The following ZNF331 variants were observed in gnomAD, a reference collection of about 807,000 sequenced individuals.
ZNF331 encodes zinc finger protein 331.
Under a neutral mutation model 7.0 loss-of-function variants are expected in ZNF331, and 2 were observed. The ratio of observed to expected loss-of-function variants is 0.29; its 90% CI spans 0.12 to 0.90. The LOEUF (loss-of-function observed/expected upper bound fraction) is 0.90, where lower values mean the gene tolerates loss of function less well. Ranked by LOEUF, ZNF331 falls within the 40% of genes least tolerant of loss-of-function variation. ZNF331 has a pLI of 0.58. For missense variants in ZNF331, 432 were observed against 587.7 expected (o/e 0.74, Z 2.74); for synonymous variants, 196 against 205.4 (o/e 0.95, Z 0.39).
Position 53,578,734 on chromosome 19 carries a change from C to G in ZNF331, c.*782C>G, listed in dbSNP as rs918675392. The G allele has an allele frequency of 1.9e-5, 4 of 209,414 alleles. No individual in the cohort carries two copies. The highest frequency in any genetic ancestry group is 3.9e-5 in the Non-Finnish European group (4 of 103,132). The allele number at this position is 209,414 out of a possible 1,614,324, so 13.0% of individuals were successfully genotyped here. On this transcript the variant is annotated 3_prime_UTR_variant, in exon 6 of 6. Coordinates refer to ENST00000449416, the MANE Select transcript of ZNF331 (RefSeq NM_001079906.2). ...GAAGGCCTCTAGACTACATCCATTC[C>G]TTCCTCAACAGGAGGAAAATTCCTG...
Position 53,577,731 on chromosome 19 carries a change from G to A in ZNF331, c.1171G>A (p.Ala391Thr), listed in dbSNP as rs2147725975. The A allele has an allele frequency of 1.9e-6, 3 of 1,613,988 alleles. No homozygotes were observed. Among genetic ancestry groups the A allele is most frequent in the Non-Finnish European group, 2.5e-6 (3 of 1,179,838 alleles). Residue 391 changes from alanine to threonine, a missense_variant, in exon 6 of 6, where the codon GCT (alanine) becomes ACT (threonine). By Grantham distance (58) the Ala-to-Thr change is moderately conservative (BLOSUM62 0). This residue lies in a region of ZNF331 where 312 missense variants were observed against 448.6 expected (regional missense o/e 0.70). Coordinates refer to ENST00000449416, the MANE Select transcript of ZNF331 (RefSeq NM_001079906.2). ...GTATAAATGTAAGGAGTGTGGGAAG[G>A]CTTTCATTTATGGATCGAGCCTCGT... ...TPYKCKECGKAFIYGSSLVKH... is the reference protein window; with the variant it reads ...TPYKCKECGKTFIYGSSLVKH...
intron 2 of ZNF331, among the ~76,000 whole-genome samples, chr19:53,529,129 G>C (rs62143893): frequency 6.6e-6 from 1 of 151,944 alleles, no homozygotes; most frequent in Non-Finnish European, 1.5e-5. Flanking sequence ...AAGGCTGGGC[G>C]TGGTGGCTCA....
rs1460811013 is a variant in ZNF331, at chr19:53,571,474, C to T, written c.10-130C>T. ...CACAGTTACAGTGATGTCCTTACCG[C>T]CCCTTGCCGATGTCACGGGTGTTCA... On this transcript the variant is annotated intron_variant, in intron 4 of 5. Coordinates refer to ENST00000449416, the MANE Select transcript of ZNF331 (RefSeq NM_001079906.2). This position sits in a 1 kb window ranked among gnomAD's most constrained non-coding sequence, Gnocchi z 4.7. 29 of 1,141,658 alleles carry T rather than the reference C, an allele frequency of 2.5e-5. No homozygotes were observed. Among genetic ancestry groups the T allele is most frequent in the Non-Finnish European group, 3.5e-5 (28 of 792,952 alleles). 70.7% of individuals were successfully genotyped at this position (1,141,658 alleles called of 1,614,324 possible). A position where few individuals can be genotyped will look rare whatever the true frequency, so the allele number is the denominator to read the frequency against.
At chr19:53,522,939 G>A (rs535291752) in intron 2 of ZNF331, among the ~76,000 whole-genome samples, 2 of 152,176 alleles carry the variant, frequency 1.3e-5, no homozygotes, top group Non-Finnish European at 2.9e-5. Flanking sequence ...GTGTGGTTTG[G>A]TAAGGAAGGG....
At chr19:53,559,231 C>T (rs544594613) in intron 3 of ZNF331, among the ~76,000 whole-genome samples, 43 of 150,408 alleles carry the variant, frequency 2.9e-4, no homozygotes, top group Non-Finnish European at 5.3e-4. Context: ...CATATATACA[C>T]ACCATACATA....
chr19:53,521,654 C>T (rs2087093552), exon 1 of ZNF331: 1 of 152,558 alleles, frequency 6.6e-6, no homozygotes. Flanking sequence ...GGTGGCACGG[C>T]CAGGACGGGT....
In ZNF331 at chr19:53,558,419, G is replaced by A. The variant is rs2089570201; in HGVS notation, c.-74+2511G>A. ...CCACCTCCTGTTCAGCTGTCCAGAA[G>A]CTCTCCTCACCCTGTCTTCTTAGGC... On this transcript the variant is annotated intron_variant, in intron 3 of 5. Coordinates refer to ENST00000449416, the MANE Select transcript of ZNF331 (RefSeq NM_001079906.2). This position sits in a 1 kb window ranked among gnomAD's most constrained non-coding sequence, Gnocchi z 4.5. Among the ~76,000 whole-genome samples, 1 of 152,070 alleles carries A rather than the reference G, an allele frequency of 6.6e-6. No individual in the cohort carries two copies. Among genetic ancestry groups the A allele is most frequent in the Non-Finnish European group, 1.5e-5 (1 of 68,022 alleles).
At chr19:53,548,548 T>C (rs1170193766) in intron 2 of ZNF331, among the ~76,000 whole-genome samples, 2 of 152,204 alleles carry the variant, frequency 1.3e-5, no homozygotes, top group African/African-American at 4.8e-5. Flanking sequence ...TGAGCCACCA[T>C]GCCAAGCCCT....
chr19:53,509,963 C>A, the ZNF331 span, among the ~76,000 whole-genome samples: 2 of 152,122 alleles, frequency 1.3e-5, no homozygotes, highest in Non-Finnish European at 1.5e-5. Context: ...CACTTCTAAG[C>A]CATCAGATCT....
chr19:53,535,244 A>AT (rs146318412), upstream of ZNF331, among the ~76,000 whole-genome samples: 1 of 151,868 alleles, frequency 6.6e-6, no homozygotes, highest in Non-Finnish European at 1.5e-5. Context: ...GGTGTCTGCC[A>AT]CACATTCAGC....
At chr19:53,559,619 C>G (rs1434019936) in intron 3 of ZNF331, among the ~76,000 whole-genome samples, 1 of 128,748 alleles carries the variant, frequency 7.8e-6, no homozygotes, top group African/African-American at 2.6e-5. Flanking sequence ...CCCATATATA[C>G]ACACATATAC....
At chr19:53,562,303 A>AGACTGT (rs1393272122) in intron 3 of ZNF331, among the ~76,000 whole-genome samples, 2 of 152,222 alleles carry the variant, frequency 1.3e-5, no homozygotes, top group African/African-American at 4.8e-5. Flanking sequence ...CAAGTAACAA[A>AGACTGT]GACTGTGTAA....
upstream of ZNF331, among the ~76,000 whole-genome samples, chr19:53,518,203 G>A (rs1463993415): frequency 4.6e-5 from 7 of 152,190 alleles, no homozygotes; most frequent in African/African-American, 1.2e-4. Flanking sequence ...TCTTTCTCCC[G>A]TGCTGGATGC....
intron 2 of ZNF331, among the ~76,000 whole-genome samples, chr19:53,551,668 G>T (rs1002464591): frequency 6.6e-6 from 1 of 152,068 alleles, no homozygotes; most frequent in African/African-American, 2.4e-5. Context: ...AAAATAGGAG[G>T]TTTGCATCCT....
chr19:53,550,307 T>C (rs145054014), intron 2 of ZNF331, among the ~76,000 whole-genome samples: 2 of 152,302 alleles, frequency 1.3e-5, no homozygotes, highest in African/African-American at 4.8e-5. Flanking sequence ...CCGAATGATC[T>C]TTCCTTTGTT....
chr19:53,505,572 G>A, the ZNF331 span, among the ~76,000 whole-genome samples: 1 of 152,208 alleles, frequency 6.6e-6, no homozygotes, highest in East Asian at 1.9e-4. Flanking sequence ...AGAAGGGTCA[G>A]TAGACGCAGG....
chr19:53,559,329 T>C (rs1197372365), intron 3 of ZNF331, among the ~76,000 whole-genome samples: 2 of 149,354 alleles, frequency 1.3e-5, no homozygotes, highest in Admixed American at 6.7e-5. Flanking sequence ...CACCTACATA[T>C]AGAGACACAC....
In ZNF331 at chr19:53,566,520, T is replaced by C. The variant is rs548104340; in HGVS notation, c.-73-2784T>C. ...CATGCACACACTGCCTCGCACAATC[T>C]GAATCTTCTGGACTCCCGGAGGAAA... is the stretch of plus-strand genomic sequence containing the variant. On this transcript the variant is annotated intron_variant, in intron 3 of 5. Coordinates refer to ENST00000449416, the MANE Select transcript of ZNF331 (RefSeq NM_001079906.2). Among the ~76,000 whole-genome samples the C allele has an allele frequency of 2.6e-5, 4 of 152,272 alleles. No individual in the cohort carries two copies. The East Asian group carries it at 7.7e-4, about 29-fold the overall frequency.
At chr19:53,506,436 C>CTCTG in the ZNF331 span, among the ~76,000 whole-genome samples, 1 of 75,300 alleles carries the variant, frequency 1.3e-5, no homozygotes, top group Non-Finnish European at 2.5e-5. Flanking sequence ...CTCTCTCTCT[C>CTCTG]TCTCTCTGTC....
Sources: gnomAD v4.1 joint callset for allele counts (sites outside exome capture counted in the v4.1 genomes callset) on GRCh38, gnomAD v4.1.1 for gene constraint, gnomAD v4.1.1 regional missense constraint, Gnocchi (gnomAD v3.1) non-coding constraint, MANE v1.5 for transcripts, NCBI Gene and HGNC (gene_info 2026-07-23, HGNC 2026-07-21) for gene names.